The following EYA4 variants were observed in gnomAD, a reference collection of about 807,000 sequenced individuals.
EYA4 encodes the protein protein phosphatase EYA4.
In EYA4, 31 loss-of-function variants were observed where a neutral mutation model predicts 87.9. The observed-to-expected ratio is 0.35, with a 90% CI of 0.27 to 0.48. EYA4 has a LOEUF of 0.48. Ranked by LOEUF, EYA4 falls within the 20% of genes least tolerant of loss-of-function variation. EYA4 has a pLI of 0.99. For synonymous variants in EYA4, 263 were observed against 270.6 expected, an observed-to-expected ratio of 0.97 and a Z score of 0.28; for missense variants, 678 against 761.4, an observed-to-expected ratio of 0.89 and a Z score of 1.29.
At chr6:133,526,207 T>C (rs1220477165) in intron 19 of EYA4, among the ~76,000 whole-genome samples, 1 of 152,124 alleles carries the variant, frequency 6.6e-6, no homozygotes, top group African/African-American at 2.4e-5. Context: ...CTACCCAAGA[T>C]AAAAGTGATA....
chr6:133,462,166 G>C, intron 7 of EYA4, 169 bp from the exon 8 acceptor site: 2 of 770,632 alleles, frequency 2.6e-6, no homozygotes, highest in East Asian at 2.7e-5. Flanking sequence ...GCTTGTAGCA[G>C]AGCCTGAGCT....
intron 17 of EYA4, among the ~76,000 whole-genome samples, chr6:133,522,259 G>A (rs1401112162): frequency 3.1e-5 from 2 of 64,314 alleles, no homozygotes; most frequent in South Asian, 7.2e-4. Flanking sequence ...TGCCATGTTG[G>A]TGTGCTATTT....
At chr6:133,426,602 C>T (rs1366286823) in intron 3 of EYA4, among the ~76,000 whole-genome samples, 1 of 152,170 alleles carries the variant, frequency 6.6e-6, no homozygotes, top group East Asian at 1.9e-4. Flanking sequence ...CCATTAGATT[C>T]CACTGCCTGG....
chr6:133,396,542 T>C (rs1053701464), intron 3 of EYA4, among the ~76,000 whole-genome samples: 1 of 152,172 alleles, frequency 6.6e-6, no homozygotes, highest in African/African-American at 2.4e-5. Flanking sequence ...ACAAAATAGT[T>C]TACTGTGGCT....
intron 13 of EYA4, among the ~76,000 whole-genome samples, chr6:133,505,552 G>T (rs1182739780): frequency 6.6e-6 from 1 of 152,052 alleles, no homozygotes; most frequent in Non-Finnish European, 1.5e-5. Context: ...CTCTTACCTT[G>T]TTGATAAAAA....
chr6:133,436,318 G>A (rs1791677050), intron 3 of EYA4, among the ~76,000 whole-genome samples: 2 of 151,992 alleles, frequency 1.3e-5, no homozygotes, highest in South Asian at 4.2e-4. Flanking sequence ...CCTAGCCTGT[G>A]GGAATCTTTG....
intron 2 of EYA4, among the ~76,000 whole-genome samples, chr6:133,295,987 G>A (rs1342802329): frequency 6.6e-6 from 1 of 152,196 alleles, no homozygotes; most frequent in Non-Finnish European, 1.5e-5. Context: ...TAACAGGATC[G>A]AAAGTGATGG....
intron 2 of EYA4, among the ~76,000 whole-genome samples, chr6:133,294,468 C>A (rs369895904): frequency 1.4e-5 from 2 of 147,388 alleles, no homozygotes; most frequent in African/African-American, 2.5e-5. Context: ...TTCAGGTGGT[C>A]GTCCCGCCTC....
intron 3 of EYA4, among the ~76,000 whole-genome samples, chr6:133,445,407 GT>G (rs1286387757): frequency 1.3e-5 from 2 of 151,716 alleles, no homozygotes; most frequent in Non-Finnish European, 2.9e-5. Context: ...TTTTCCTCTG[GT>G]ATCTTTTCTT....
intron 2 of EYA4, among the ~76,000 whole-genome samples, chr6:133,284,149 A>G (rs996445347): frequency 1.3e-5 from 2 of 152,222 alleles, no homozygotes; most frequent in African/African-American, 2.4e-5. Flanking sequence ...AGATCAAACA[A>G]TTTTAAATAT....
chr6:133,437,386 C>A (rs988865590), intron 3 of EYA4, among the ~76,000 whole-genome samples: 4 of 152,192 alleles, frequency 2.6e-5, no homozygotes, highest in Non-Finnish European at 4.4e-5. Flanking sequence ...ATCAGATAAA[C>A]ATGAGTTCAA....
chr6:133,257,879 G>T (rs1175859408), intron 1 of EYA4, among the ~76,000 whole-genome samples: 1 of 149,590 alleles, frequency 6.7e-6, no homozygotes, highest in Non-Finnish European at 1.5e-5. Context: ...ATGCATTTAT[G>T]CACTATTGAC....
intron 13 of EYA4, among the ~76,000 whole-genome samples, chr6:133,504,525 C>G (rs917054284): frequency 6.6e-6 from 1 of 152,210 alleles, no homozygotes; most frequent in African/African-American, 2.4e-5. Flanking sequence ...TATCTTCACT[C>G]ACATCGTCTT....
chr6:133,326,353 G>A (rs143964452), intron 2 of EYA4, among the ~76,000 whole-genome samples: 107 of 152,260 alleles, frequency 7.0e-4, no homozygotes, highest in African/African-American at 2.5e-3. Flanking sequence ...GCATCAATAT[G>A]ACTGTCAAAA....
intron 3 of EYA4, among the ~76,000 whole-genome samples, chr6:133,384,560 G>C (rs1306767738): frequency 6.6e-6 from 1 of 152,124 alleles, no homozygotes; most frequent in Non-Finnish European, 1.5e-5. Context: ...ATGTGAGATG[G>C]AAAGACCTTC....
rs186554763 is a variant in EYA4 at position 133,377,465 on chromosome 6, C to T, written c.34-4927C>T. Reference sequence around the variant, plus strand: ...GTTCATCTCTGTGGCTGGAACACTGCCTCGGATATCTCAGGCATTCAGTAA... The same window carrying T: ...GTTCATCTCTGTGGCTGGAACACTGTCTCGGATATCTCAGGCATTCAGTAA... On this transcript the variant is annotated intron_variant, in intron 2 of 19. Coordinates refer to ENST00000355286, the MANE Select transcript of EYA4 (RefSeq NM_004100.5). Among the ~76,000 whole-genome samples, 3 of 151,880 alleles carry T rather than the reference C, an allele frequency of 2.0e-5. No individual in the cohort carries two copies. In the East Asian group the frequency reaches 5.8e-4, roughly 29 times the overall value.
At chr6:133,463,509 C>T (rs1284496622) in intron 9 of EYA4, among the ~76,000 whole-genome samples, 4 of 151,776 alleles carry the variant, frequency 2.6e-5, no homozygotes, top group Non-Finnish European at 5.9e-5. Context: ...TACAGGTGTG[C>T]ACCACCACAC....
At chr6:133,279,334 A>T (rs973979917) in intron 2 of EYA4, among the ~76,000 whole-genome samples, 6 of 152,106 alleles carry the variant, frequency 3.9e-5, no homozygotes, top group Non-Finnish European at 7.4e-5. Context: ...ATTGTTACTA[A>T]ATCAATTCAC....
chr6:133,457,954 T>A (rs374992691), intron 6 of EYA4, among the ~76,000 whole-genome samples: 3 of 152,174 alleles, frequency 2.0e-5, no homozygotes, highest in Admixed American at 6.6e-5. Context: ...ATCCGTTTTG[T>A]AGACAAGAGA....
Sources: allele counts gnomAD v4.1 joint callset (sites outside exome capture counted in the v4.1 genomes callset), GRCh38; gene constraint gnomAD v4.1.1; transcripts MANE v1.5; gene names NCBI Gene and HGNC (gene_info 2026-07-23, HGNC 2026-07-21).